Variants in SETX observed in about 807,000 individuals in gnomAD.
The protein encoded by SETX is helicase senataxin.
SETX carries 90 observed loss-of-function variants against 227.2 expected under a neutral mutation model. The ratio of observed to expected loss-of-function variants is 0.40; its 90% CI spans 0.33 to 0.47. SETX has a LOEUF of 0.47. Ranked by LOEUF, SETX falls within the 20% of genes least tolerant of loss-of-function variation. SETX has a pLI of 0.91. For missense variants in SETX, 3,052 were observed against 3,181.5 expected (o/e 0.96, Z 0.98); for synonymous variants, 1,210 against 1,113.2 (o/e 1.09, Z -1.73).
At chr9:132,309,762 C>T (rs1327259781) in intron 11 of SETX, among the ~76,000 whole-genome samples, 4 of 151,828 alleles carry the variant, frequency 2.6e-5, no homozygotes, top group Non-Finnish European at 4.4e-5. Flanking sequence ...GGTGGATCTG[C>T]GAGCTGTAGT....
intron 10 of SETX, among the ~76,000 whole-genome samples, chr9:132,318,092 G>A (rs556654470): frequency 9.9e-5 from 15 of 151,864 alleles, no homozygotes; most frequent in Non-Finnish European, 2.2e-4. Flanking sequence ...ATAACTTGTG[G>A]GAGATCTGAG....
chr9:132,355,121 G>T (rs1848845416), upstream of SETX: 1 of 152,412 alleles, frequency 6.6e-6, no homozygotes, highest in South Asian at 2.1e-4. Flanking sequence ...GCGGGGCATG[G>T]GAAGAGCGGC....
At chr9:132,331,183 A>G (rs1168699264) in intron 8 of SETX, 44 bp from the exon 9 acceptor site, 13 of 1,594,282 alleles carry the variant, frequency 8.2e-6, no homozygotes, top group South Asian at 1.1e-5. Flanking sequence ...ACGAAGGGGG[A>G]AAAAAAGGAA....
intron 10 of SETX, among the ~76,000 whole-genome samples, chr9:132,322,370 T>C (rs960874964): frequency 2.0e-5 from 3 of 152,142 alleles, no homozygotes; most frequent in Non-Finnish European, 4.4e-5. Context: ...ACACTGTACC[T>C]ATCAGCAATC....
Position 132,297,054 on chromosome 9 carries a change from T to G in SETX, c.5782A>C (p.Ile1928Leu), listed in dbSNP as rs1844716159. The change falls in exon 14 of 26, where the codon ATT becomes CTT. Residue 1928 changes from isoleucine (I) to leucine (L), a missense_variant and splice_region_variant. Physicochemically the swap from Ile to Leu is conservative, Grantham distance 5. This residue lies in a region of SETX where 239 missense variants were observed against 272.1 expected (regional missense o/e 0.88). Transcript: ENST00000224140. ...DLLTTTSERI[I>L]AYLRDFNEDQ... ...TCATTGAAATCTCTTAAGTACGCAA[T>G]CTATATAAAAAACACATTTTTGAGA... 1 of 1,609,896 alleles carries G rather than the reference T, an allele frequency of 6.2e-7. No homozygotes were observed. Among genetic ancestry groups the G allele is most frequent in the Non-Finnish European group, 8.5e-7 (1 of 1,177,502 alleles).
rs886063554 is a variant in SETX, at chr9:132,327,698, G to A, written c.3900C>T (p.Ser1300=). ...KKGPRKAYEL[S]QRSLDYVAQL... ...GAGCTACATAATCCAAAGACCGCTG[G>A]GACAACTCATATGCCTTACGAGGAC... Residue 1300 remains serine, a synonymous_variant, in exon 10 of 26, where the codon TCC becomes TCT. Transcript: ENST00000224140. 6.2e-6 allele frequency: 10 copies of A among 1,613,874 alleles called. No individual in the cohort carries two copies. Among genetic ancestry groups the A allele is most frequent in the Non-Finnish European group, 7.6e-6 (9 of 1,179,978 alleles).
At chr9:132,333,486 T>C (rs1329549190) in intron 7 of SETX, among the ~76,000 whole-genome samples, 2 of 148,486 alleles carry the variant, frequency 1.3e-5, no homozygotes, top group Non-Finnish European at 3.0e-5. Flanking sequence ...ATAACATTAA[T>C]ATATTTATAT....
At chr9:132,352,978 G>A (rs774224006) in intron 2 of SETX, among the ~76,000 whole-genome samples, 1 of 152,062 alleles carries the variant, frequency 6.6e-6, no homozygotes, top group Non-Finnish European at 1.5e-5. Context: ...CAGTGCAACC[G>A]CCACTGCCTT....
chr9:132,351,418 C>A (rs1025685232), intron 2 of SETX, among the ~76,000 whole-genome samples: 1 of 152,148 alleles, frequency 6.6e-6, no homozygotes, highest in Non-Finnish European at 1.5e-5. Context: ...ACAAAAGAAA[C>A]CTTCTATTAA....
At chr9:132,297,959 A>G (rs1415328304) in intron 13 of SETX, 121 bp downstream of exon 13, 2 of 845,218 alleles carry the variant, frequency 2.4e-6, no homozygotes, top group African/African-American at 1.7e-5. Flanking sequence ...GAAAACTAAC[A>G]CTAAACTGTT....
chr9:132,352,581 T>C (rs886898572), intron 2 of SETX, among the ~76,000 whole-genome samples: 4 of 152,300 alleles, frequency 2.6e-5, no homozygotes, highest in South Asian at 2.1e-4. Context: ...TGAAACCCCG[T>C]ATCTACTAAA....
intron 25 of SETX, chr9:132,269,400 C>T: frequency 2.6e-6 from 4 of 1,546,360 alleles, no homozygotes; most frequent in Non-Finnish European, 3.5e-6. Context: ...TTAAAATGGT[C>T]ACCTTGAGAG....
At chr9:132,303,351 A>C (rs541934748) in intron 11 of SETX, among the ~76,000 whole-genome samples, 5 of 151,876 alleles carry the variant, frequency 3.3e-5, no homozygotes, top group African/African-American at 9.6e-5. Flanking sequence ...AAAAAAAAAA[A>C]AAAAACCCTT....
Position 132,327,964 on chromosome 9 carries a change from T to C in SETX, c.3634A>G (p.Ile1212Val). Reference protein sequence around the residue: ...DRRTSTPNSRIQRATTVSQKK... With the variant: ...DRRTSTPNSRVQRATTVSQKK... Reference sequence around the variant, plus strand: ...TGTGAAACCGTAGTGGCTCTCTGAATACGTGAATTGGGAGTTGAAGTCCTT... The same window carrying C: ...TGTGAAACCGTAGTGGCTCTCTGAACACGTGAATTGGGAGTTGAAGTCCTT... The change falls in exon 10 of 26, where the codon ATT becomes GTT. Residue 1212 changes from isoleucine to valine, a missense_variant. Around this residue, in one of 10 missense-constraint regions of SETX, gnomAD observed 1,483 missense variants for 1,312.0 expected, o/e 1.13. Transcript: ENST00000224140. The C allele has an allele frequency of 3.1e-6, 5 of 1,614,008 alleles. No homozygotes were observed. In the South Asian group the frequency reaches 3.3e-5, roughly 11 times the overall value.
intron 11 of SETX, among the ~76,000 whole-genome samples, chr9:132,303,859 CG>C (rs1845170538): frequency 1.3e-5 from 2 of 152,308 alleles, no homozygotes; most frequent in South Asian, 4.1e-4. Flanking sequence ...CAGTAGCTCA[CG>C]TCTGTAATCC....
chr9:132,300,199 G>A (rs1844909621), intron 12 of SETX, among the ~76,000 whole-genome samples: 2 of 150,668 alleles, frequency 1.3e-5, no homozygotes, highest in South Asian at 2.1e-4. Flanking sequence ...TTAAATTTAG[G>A]CTAATATTTT....
In SETX at chr9:132,349,302, A is replaced by G; in HGVS notation, c.127T>C (p.Cys43Arg). The G allele has an allele frequency of 6.2e-7, 1 of 1,614,010 alleles. No individual in the cohort carries two copies. The highest frequency in any genetic ancestry group is 8.5e-7 in the Non-Finnish European group (1 of 1,180,018). ...CTTGCTTTGTGGTACTCAGCCACAC[A>G]CTCCAAGCAGTAGCAGAGGTCTTCG... is the stretch of plus-strand genomic sequence containing the variant. ...ADEDLCYCLE[C>R]VAEYHKARDE... Residue 43 changes from cysteine (C) to arginine (R), a missense_variant, in exon 3 of 26, where the codon TGT (cysteine) becomes CGT (arginine). Around this residue, in one of 10 missense-constraint regions of SETX, gnomAD observed 152 missense variants for 156.2 expected, o/e 0.97. Transcript: ENST00000224140.
In SETX at chr9:132,296,085, T is replaced by C; in HGVS notation, c.5950-57A>G. On this transcript the variant is annotated intron_variant, in intron 14 of 25. Coordinates refer to ENST00000224140, the MANE Select transcript of SETX (RefSeq NM_015046.7). ...ACACACAAAAAATATGGGTGAGCTC[T>C]ATTACATAGCTTTAAAGTTTGTCTT... is the stretch of plus-strand genomic sequence containing the variant. The C allele has an allele frequency of 1.9e-6, 3 of 1,586,544 alleles. No homozygotes were observed. The Admixed American group carries it at 5.0e-5, about 26-fold the overall frequency.
intron 15 of SETX, among the ~76,000 whole-genome samples, chr9:132,294,643 T>C (rs1201320121): frequency 6.6e-6 from 1 of 152,198 alleles, no homozygotes; most frequent in East Asian, 1.9e-4. Context: ...CGAAAGGAAA[T>C]AAGCAGAGGC....
Sources: gnomAD v4.1 joint callset for allele counts (sites outside exome capture counted in the v4.1 genomes callset) on GRCh38, gnomAD v4.1.1 for gene constraint, gnomAD v4.1.1 regional missense constraint, MANE v1.5 for transcripts, NCBI Gene and HGNC (gene_info 2026-07-23, HGNC 2026-07-21) for gene names.